Variants in FAM151B observed in about 807,000 individuals in gnomAD.
FAM151B encodes the protein family with sequence similarity 151 member B, also known as protein FAM151B.
FAM151B carries 24 observed loss-of-function variants against 31.2 expected under a neutral mutation model. The observed-to-expected ratio is 0.77, with a 90% CI of 0.56 to 1.08. The LOEUF (loss-of-function observed/expected upper bound fraction) is 1.08, where lower values mean the gene tolerates loss of function less well. Ranked by LOEUF, FAM151B falls within the 50% of genes least tolerant of loss-of-function variation. The pLI, the probability that FAM151B is intolerant of heterozygous loss-of-function variation, is 0.00. For missense variants in FAM151B, 293 were observed against 328.6 expected, an observed-to-expected ratio of 0.89 and a Z score of 0.84; for synonymous variants, 105 against 111.4, an observed-to-expected ratio of 0.94 and a Z score of 0.36.
chr5:80,522,112 A>T lies in FAM151B; in HGVS notation c.645A>T (p.Leu215Phe), dbSNP rs750656402. The change falls in exon 5 of 6, where the codon TTA (leucine) becomes TTT (phenylalanine). Residue 215 changes from leucine to phenylalanine, a missense_variant. By Grantham distance (22) the Leu-to-Phe change is conservative. Transcript: ENST00000282226. The part of the protein sequence containing the change: ...AALVRQSCSQ[L>F]LWLLKKSNRY... ...TAGTCAGGCAGTCTTGTTCTCAGTT[A>T]CTTTGGCTGTTAAAGAAATCAAACA... The T allele has an allele frequency of 6.2e-7, 1 of 1,612,826 alleles. No homozygotes were observed. Among genetic ancestry groups the T allele is most frequent in the South Asian group, 1.1e-5 (1 of 90,894 alleles).
chr5:80,516,509 T>G (rs1401821728), intron 3 of FAM151B, among the ~76,000 whole-genome samples: 1 of 152,222 alleles, frequency 6.6e-6, no homozygotes, highest in Non-Finnish European at 1.5e-5. Context: ...GGTATGATAT[T>G]TAGAAGTTTG....
chr5:80,506,203 A>G (rs749410349), intron 2 of FAM151B: 8 of 771,752 alleles, frequency 1.0e-5, no homozygotes, highest in Admixed American at 6.2e-5. Context: ...ATGGTGGGCA[A>G]GTGATCAAAC....
rs1745928862 is a variant in FAM151B, at chr5:80,542,175, T to G, written c.*343T>G. On this transcript the variant is annotated 3_prime_UTR_variant, in exon 6 of 6. Coordinates refer to ENST00000282226, the MANE Select transcript of FAM151B (RefSeq NM_205548.3). ...GTATAAATCACATGTGCTTGGCACT[T>G]GCATTACAGAGATTATGAAAAATAT... 1 of 175,104 alleles carries G rather than the reference T, an allele frequency of 5.7e-6. No individual in the cohort carries two copies. Among genetic ancestry groups the G allele is most frequent in the Non-Finnish European group, 1.2e-5 (1 of 83,998 alleles). 10.8% of individuals were successfully genotyped at this position (175,104 alleles called of 1,614,324 possible). A position where few individuals can be genotyped will look rare whatever the true frequency, so the allele number is the denominator to read the frequency against.
At chr5:80,534,548 A>G (rs1745404693) in intron 5 of FAM151B, among the ~76,000 whole-genome samples, 1 of 152,218 alleles carries the variant, frequency 6.6e-6, no homozygotes, top group African/African-American at 2.4e-5. Flanking sequence ...ATTGGGTAAA[A>G]TTCAACATCC....
intron 3 of FAM151B, among the ~76,000 whole-genome samples, chr5:80,516,272 C>T (rs191448453): frequency 6.2e-4 from 94 of 152,120 alleles, no homozygotes; most frequent in African/African-American, 2.1e-3. Context: ...TGCAGTGAGC[C>T]GAGATCATGC....
At position 80,513,744 on chromosome 5, in the gene FAM151B, A is replaced by G. The variant is rs142396268; in HGVS notation, c.292A>G (p.Lys98Glu). The change falls in exon 3 of 6, where the codon AAA becomes GAA. Residue 98 changes from lysine to glutamate, a missense_variant. Physicochemically the swap from Lys to Glu is moderately conservative, Grantham distance 56. Coordinates refer to ENST00000282226, the MANE Select transcript of FAM151B (RefSeq NM_205548.3). Reference protein sequence around the residue: ...EWLTEVMKSNKGIKLDFKSLA... With the variant: ...EWLTEVMKSNEGIKLDFKSLA... ...GCTGACTGAAGTTATGAAAAGCAAT[A>G]AAGGCATCAAGCTGGATTTCAAAAG... 26 of 1,611,346 alleles carry G rather than the reference A, an allele frequency of 1.6e-5. No individual in the cohort carries two copies. The highest frequency in any genetic ancestry group is 2.1e-5 in the Non-Finnish European group (25 of 1,179,434).
In FAM151B at chr5:80,528,954, G is replaced by A. The variant is rs549948551; in HGVS notation, c.671+6816G>A. Among the ~76,000 whole-genome samples, 11 of 152,130 alleles carry A rather than the reference G, an allele frequency of 7.2e-5. No homozygotes were observed. The East Asian group carries it at 1.2e-3, about 16-fold the overall frequency. On this transcript the variant is annotated intron_variant, in intron 5 of 5. Transcript: ENST00000282226. ...TATACATTCTTCTCAGCACCACATC[G>A]CATTTATTCCAAAATTGACCACATA... is the stretch of plus-strand genomic sequence containing the variant.
intron 3 of FAM151B, among the ~76,000 whole-genome samples, chr5:80,517,077 G>A (rs1744481510): frequency 6.6e-6 from 1 of 152,120 alleles, no homozygotes; most frequent in Non-Finnish European, 1.5e-5. Context: ...TCACTTAATA[G>A]CCGTCACAGT....
At chr5:80,538,468 T>TCTCTCTC (rs1561383757) in intron 5 of FAM151B, among the ~76,000 whole-genome samples, 9 of 115,324 alleles carry the variant, frequency 7.8e-5, no homozygotes, top group African/African-American at 3.2e-4. Context: ...CTTTCTTTCT[T>TCTCTCTC]TCTTTCTTTC....
intron 5 of FAM151B, among the ~76,000 whole-genome samples, chr5:80,530,825 A>G (rs1745206582): frequency 6.6e-6 from 1 of 152,228 alleles, no homozygotes; most frequent in Non-Finnish European, 1.5e-5. Context: ...GGTAATTTAT[A>G]TGTTCAATGC....
Position 80,513,488 on chromosome 5 carries a change from G to C in FAM151B, c.152-116G>C, listed in dbSNP as rs576713671. ...CTGGCATGGGATAATCGCTCACTGAGTGTTACTTTTCTTTCCTTTTTTTTT... is the reference window on the plus strand; with the variant it reads ...CTGGCATGGGATAATCGCTCACTGACTGTTACTTTTCTTTCCTTTTTTTTT... On this transcript the variant is annotated intron_variant, in intron 2 of 5. Transcript: ENST00000282226. 1.7e-5 allele frequency: 17 copies of C among 975,874 alleles called. No homozygotes were observed. The South Asian group carries it at 3.0e-4, about 17-fold the overall frequency. The allele number at this position is 975,874 out of a possible 1,614,324, so 60.5% of individuals were successfully genotyped here.
At chr5:80,492,295 A>G (rs936625246) in intron 1 of FAM151B, among the ~76,000 whole-genome samples, 3 of 152,076 alleles carry the variant, frequency 2.0e-5, no homozygotes, top group African/African-American at 7.2e-5. Flanking sequence ...AATTCTTGCA[A>G]TATTTCAAAT....
At chr5:80,529,737 G>A (rs936556410) in intron 5 of FAM151B, among the ~76,000 whole-genome samples, 5 of 152,038 alleles carry the variant, frequency 3.3e-5, no homozygotes, top group African/African-American at 1.2e-4. Context: ...GAAATTGAGG[G>A]AATAATTAAT....
At position 80,513,678 on chromosome 5, in the gene FAM151B, C is replaced by T; in HGVS notation, c.226C>T (p.His76Tyr). 1.2e-6 allele frequency: 2 copies of T among 1,614,132 alleles called. No homozygotes were observed. Among genetic ancestry groups the T allele is most frequent in the Non-Finnish European group, 1.7e-6 (2 of 1,180,020 alleles). ...AGAACACAGCCAGCCAATTATGGCC[C>T]ATCCCCCTGAAACAAACAGTGATAA... ...GSEHSQPIMA[H>Y]PPETNSDNTL... The change falls in exon 3 of 6, where the codon CAT becomes TAT. Residue 76 changes from histidine (H) to tyrosine (Y), a missense_variant. By Grantham distance (83) the His-to-Tyr change is moderately conservative (BLOSUM62 2). Coordinates refer to ENST00000282226, the MANE Select transcript of FAM151B (RefSeq NM_205548.3).
chr5:80,489,947 C>A (rs1039544558), intron 1 of FAM151B, among the ~76,000 whole-genome samples: 65 of 149,668 alleles, frequency 4.3e-4, no homozygotes, highest in African/African-American at 1.6e-3. Flanking sequence ...ACAAAAATTT[C>A]TTCTCATTAC....
chr5:80,538,670 C>T (rs1745717426), intron 5 of FAM151B, among the ~76,000 whole-genome samples: 1 of 150,860 alleles, frequency 6.6e-6, no homozygotes, highest in Non-Finnish European at 1.5e-5. Flanking sequence ...GATCTTGGCT[C>T]ACTGCAACCT....
chr5:80,534,835 A>G (rs1036493364), intron 5 of FAM151B, among the ~76,000 whole-genome samples: 5 of 152,314 alleles, frequency 3.3e-5, no homozygotes, highest in African/African-American at 1.2e-4. Flanking sequence ...TTTGCAGATG[A>G]TATGATCTTA....
At chr5:80,538,456 T>C (rs796922438) in intron 5 of FAM151B, among the ~76,000 whole-genome samples, 3,436 of 58,684 alleles carry the variant, frequency 0.059, 110 homozygotes, top group South Asian at 0.095. Context: ...TTCTCTTTCT[T>C]TCTTTCTTTC....
At chr5:80,519,127 A>C (rs1744589406) in intron 3 of FAM151B, among the ~76,000 whole-genome samples, 1 of 152,220 alleles carries the variant, frequency 6.6e-6, no homozygotes, top group Admixed American at 6.5e-5. Context: ...AAGAAAAATG[A>C]AACAGAAACT....
Sources: gnomAD v4.1 joint callset for allele counts (sites outside exome capture counted in the v4.1 genomes callset) on GRCh38, gnomAD v4.1.1 for gene constraint, MANE v1.5 for transcripts, NCBI Gene and HGNC (gene_info 2026-07-23, HGNC 2026-07-21) for gene names.